Variants in GUCY1A2 observed in about 807,000 individuals in gnomAD.
GUCY1A2 encodes the protein guanylate cyclase soluble subunit alpha-2.
A neutral mutation model predicts 63.5 loss-of-function variants in GUCY1A2; 27 were observed. The observed-to-expected ratio is 0.43, with a 90% CI of 0.31 to 0.59. GUCY1A2 has a LOEUF of 0.59. GUCY1A2 is among the 20% of genes least tolerant of loss of function. The pLI, the probability that GUCY1A2 is intolerant of heterozygous loss-of-function variation, is 0.11. For synonymous variants in GUCY1A2, 364 were observed against 343.5 expected (o/e 1.06, Z -0.66); for missense variants, 768 against 913.3 (o/e 0.84, Z 2.05).
At chr11:106,896,719 A>G (rs1020996920) in intron 4 of GUCY1A2, among the ~76,000 whole-genome samples, 1 of 152,162 alleles carries the variant, frequency 6.6e-6, no homozygotes, top group South Asian at 2.1e-4. Context: ...GGAATATTGG[A>G]AGCACCATAC....
At chr11:106,994,478 A>G (rs529087605) in intron 1 of GUCY1A2, among the ~76,000 whole-genome samples, 50 of 152,352 alleles carry the variant, frequency 3.3e-4, no homozygotes, top group Admixed American at 1.6e-3. Flanking sequence ...TCATCCAAGG[A>G]TGTCTGATGT....
At chr11:106,905,751 A>C (rs1860196311) in intron 4 of GUCY1A2, among the ~76,000 whole-genome samples, 1 of 152,138 alleles carries the variant, frequency 6.6e-6, no homozygotes, top group African/African-American at 2.4e-5. Context: ...TATCTCAAAA[A>C]CTTCCTAAAA....
At chr11:106,981,912 A>C (rs1861341225) in intron 2 of GUCY1A2, among the ~76,000 whole-genome samples, 1 of 152,194 alleles carries the variant, frequency 6.6e-6, no homozygotes, top group Admixed American at 6.5e-5. Context: ...ACAATCCACA[A>C]AAGTTGAATT....
intron 5 of GUCY1A2, among the ~76,000 whole-genome samples, chr11:106,789,843 C>T (rs1864626792): frequency 1.3e-5 from 2 of 152,180 alleles, no homozygotes; most frequent in African/African-American, 4.8e-5. Flanking sequence ...CCCTTACTTT[C>T]TCCCAAACAA....
At chr11:106,805,752 G>C (rs1858675018) in intron 5 of GUCY1A2, among the ~76,000 whole-genome samples, 1 of 152,282 alleles carries the variant, frequency 6.6e-6, no homozygotes, top group African/African-American at 2.4e-5. Context: ...AAAGATGGCA[G>C]ACGGGAGAAT....
chr11:106,796,770 A>G (rs1032663741), intron 5 of GUCY1A2, among the ~76,000 whole-genome samples: 3 of 152,120 alleles, frequency 2.0e-5, no homozygotes, highest in Non-Finnish European at 2.9e-5. Context: ...TGCTCTTCTC[A>G]AGGAGTATCT....
intron 4 of GUCY1A2, among the ~76,000 whole-genome samples, chr11:106,898,151 T>C (rs1860077641): frequency 6.6e-6 from 1 of 152,166 alleles, no homozygotes; most frequent in African/African-American, 2.4e-5. Context: ...GAGATACCAC[T>C]ACACACCTAT....
At chr11:106,704,364 T>C (rs768990243) in intron 7 of GUCY1A2, among the ~76,000 whole-genome samples, 5 of 152,206 alleles carry the variant, frequency 3.3e-5, no homozygotes, top group Non-Finnish European at 7.3e-5. Flanking sequence ...AGAGATGAGA[T>C]AACTTGGTCC....
chr11:106,719,284 T>A (rs1436071379), intron 6 of GUCY1A2, among the ~76,000 whole-genome samples: 1 of 151,926 alleles, frequency 6.6e-6, no homozygotes, highest in Non-Finnish European at 1.5e-5. Flanking sequence ...TAACAGATAA[T>A]CCGGAATAAA....
At chr11:106,951,885 C>A (rs920120647) in intron 3 of GUCY1A2, among the ~76,000 whole-genome samples, 1 of 152,138 alleles carries the variant, frequency 6.6e-6, no homozygotes, top group East Asian at 1.9e-4. Context: ...ACATTTAAGT[C>A]TTCAATCCAT....
intron 3 of GUCY1A2, among the ~76,000 whole-genome samples, chr11:106,945,987 C>T (rs966847554): frequency 2.6e-5 from 4 of 151,928 alleles, no homozygotes; most frequent in African/African-American, 9.7e-5. Flanking sequence ...AACAAACAAA[C>T]AAAAAAGCTA....
intron 5 of GUCY1A2, among the ~76,000 whole-genome samples, chr11:106,802,272 C>A (rs1006591567): frequency 6.6e-6 from 1 of 152,102 alleles, no homozygotes; most frequent in Admixed American, 6.6e-5. Context: ...GTTGTTCATA[C>A]TGTTCTGCTG....
chr11:106,950,191 T>C (rs1014532969), intron 3 of GUCY1A2, among the ~76,000 whole-genome samples: 2 of 152,214 alleles, frequency 1.3e-5, no homozygotes, highest in Admixed American at 1.3e-4. Flanking sequence ...GAAGCACATG[T>C]CTAATCAGGC....
intron 5 of GUCY1A2, among the ~76,000 whole-genome samples, chr11:106,797,301 G>T (rs903978880): frequency 6.6e-6 from 1 of 152,072 alleles, no homozygotes; most frequent in African/African-American, 2.4e-5. Flanking sequence ...GTCCAGCTTT[G>T]TTCCTTGCTG....
intron 1 of GUCY1A2, among the ~76,000 whole-genome samples, chr11:106,998,913 C>A (rs1861576881): frequency 6.6e-6 from 1 of 151,886 alleles, no homozygotes; most frequent in Non-Finnish European, 1.5e-5. Flanking sequence ...CACTACAGAC[C>A]AAGAACGTTA....
intron 1 of GUCY1A2, among the ~76,000 whole-genome samples, chr11:106,997,879 C>T (rs1432846694): frequency 1.3e-5 from 2 of 151,942 alleles, no homozygotes; most frequent in Admixed American, 6.6e-5. Flanking sequence ...TTTAGAAACG[C>T]TAAAGAGATG....
At chr11:106,803,599 T>C (rs1196701007) in intron 5 of GUCY1A2, among the ~76,000 whole-genome samples, 1 of 152,146 alleles carries the variant, frequency 6.6e-6, no homozygotes, top group Non-Finnish European at 1.5e-5. Context: ...AAAGTAATAA[T>C]AGCTAATATG....
chr11:106,855,902 T>TTTTA (rs1468586069), intron 4 of GUCY1A2, among the ~76,000 whole-genome samples: 1,933 of 60,474 alleles, frequency 0.032, 47 homozygotes, highest in African/African-American at 0.11. Flanking sequence ...ATTTTATTTA[T>TTTTA]TTATTTATTT....
intron 1 of GUCY1A2, among the ~76,000 whole-genome samples, chr11:106,991,727 T>C (rs1432293610): frequency 6.6e-6 from 1 of 152,212 alleles, no homozygotes; most frequent in Admixed American, 6.5e-5. Context: ...TAATCAAATA[T>C]GAATTTGTTA....
Sources: gnomAD v4.1 joint callset for allele counts (sites outside exome capture counted in the v4.1 genomes callset) on GRCh38, gnomAD v4.1.1 for gene constraint, MANE v1.5 for transcripts, NCBI Gene and HGNC (gene_info 2026-07-23, HGNC 2026-07-21) for gene names.